GALNT17: variants seen among roughly 807,000 people sequenced by gnomAD.
The protein encoded by GALNT17 is UDP-GalNAc:polypeptide N-acetylgalactosaminyltransferase-like 3.
A neutral mutation model predicts 63.7 loss-of-function variants in GALNT17; 29 were observed. The ratio of observed to expected loss-of-function variants is 0.46; its 90% CI spans 0.34 to 0.62. The LOEUF (loss-of-function observed/expected upper bound fraction) is 0.62, where lower values mean the gene tolerates loss of function less well. Ranked by LOEUF, GALNT17 falls within the 20% of genes least tolerant of loss-of-function variation. The pLI, the probability that GALNT17 is intolerant of heterozygous loss-of-function variation, is 0.01. For synonymous variants in GALNT17, 305 were observed against 318.3 expected (o/e 0.96, Z 0.45); for missense variants, 603 against 799.6 (o/e 0.75, Z 2.97).
intron 1 of GALNT17, among the ~76,000 whole-genome samples, chr7:71,210,509 A>G: frequency 6.6e-6 from 1 of 152,216 alleles, no homozygotes; most frequent in East Asian, 1.9e-4. Context: ...TGGAGTTTGC[A>G]GAGTTGTGGT....
intron 1 of GALNT17, among the ~76,000 whole-genome samples, chr7:71,263,781 C>A (rs572609048): frequency 6.6e-6 from 1 of 151,418 alleles, no homozygotes; most frequent in Non-Finnish European, 1.5e-5. Context: ...AAAAGTTAGC[C>A]GGCGTGGTGG....
chr7:71,263,184 C>G (rs545207456), intron 1 of GALNT17, among the ~76,000 whole-genome samples: 3 of 151,604 alleles, frequency 2.0e-5, no homozygotes, highest in South Asian at 2.1e-4. Flanking sequence ...ATGGTGAAAC[C>G]CTGTCTCTAC....
chr7:71,470,327 T>C (rs1790928795), intron 5 of GALNT17, among the ~76,000 whole-genome samples: 1 of 152,158 alleles, frequency 6.6e-6, no homozygotes. Context: ...ATTTAAGTTT[T>C]GGAGGATGTT....
At chr7:71,415,097 G>C (rs1793501251) in intron 3 of GALNT17, among the ~76,000 whole-genome samples, 1 of 151,992 alleles carries the variant, frequency 6.6e-6, no homozygotes, top group Non-Finnish European at 1.5e-5. Context: ...GCAGCCTCCT[G>C]AGTTCAAGTG....
chr7:71,704,053 G>A (rs1237180423), intron 9 of GALNT17, among the ~76,000 whole-genome samples: 1 of 152,154 alleles, frequency 6.6e-6, no homozygotes, highest in Admixed American at 6.5e-5. Context: ...GAAGGGCCCA[G>A]GCACAGTTGG....
chr7:71,711,427 A>G (rs1269762156), intron 10 of GALNT17, among the ~76,000 whole-genome samples: 3 of 151,946 alleles, frequency 2.0e-5, no homozygotes, highest in Non-Finnish European at 2.9e-5. Flanking sequence ...ATTTTGGTGG[A>G]ATTGATTCTC....
chr7:71,587,473 TG>T (rs1789736515), intron 6 of GALNT17, among the ~76,000 whole-genome samples: 1 of 152,200 alleles, frequency 6.6e-6, no homozygotes, highest in African/African-American at 2.4e-5. Flanking sequence ...TTCATTTTGT[TG>T]TTGATTTCCA....
chr7:71,240,508 A>G (rs148778466), intron 1 of GALNT17, among the ~76,000 whole-genome samples: 13 of 152,224 alleles, frequency 8.5e-5, no homozygotes, highest in African/African-American at 3.1e-4. Context: ...GATCCCACTT[A>G]TAAGTGAGAA....
At chr7:71,438,715 C>A (rs1787011207) in intron 5 of GALNT17, among the ~76,000 whole-genome samples, 1 of 152,198 alleles carries the variant, frequency 6.6e-6, no homozygotes, top group South Asian at 2.1e-4. Flanking sequence ...ATTATTAGAG[C>A]AATTCTCTAT....
intron 1 of GALNT17, among the ~76,000 whole-genome samples, chr7:71,292,941 T>C (rs1046666516): frequency 6.6e-6 from 1 of 152,144 alleles, no homozygotes; most frequent in Non-Finnish European, 1.5e-5. Context: ...TGTGAGATCA[T>C]GCGGTACTTT....
chr7:71,184,930 CCCTTCCTCACTT>C (rs1788807788), intron 1 of GALNT17, among the ~76,000 whole-genome samples: 1 of 125,690 alleles, frequency 8.0e-6, no homozygotes, highest in South Asian at 2.9e-4. Context: ...CTCCCTCCCT[CCCTTCCTCACTT>C]CCTTCCTTCC....
At chr7:71,199,235 C>T (rs755906521) in intron 1 of GALNT17, among the ~76,000 whole-genome samples, 9 of 152,146 alleles carry the variant, frequency 5.9e-5, no homozygotes, top group Admixed American at 2.0e-4. Context: ...TGAAAGATCT[C>T]GCAAATGATC....
chr7:71,643,665 C>G (rs751819292), intron 6 of GALNT17, among the ~76,000 whole-genome samples: 8 of 152,174 alleles, frequency 5.3e-5, no homozygotes, highest in Non-Finnish European at 1.0e-4. Context: ...TGCCTAAAGG[C>G]TCTGTGGGAG....
At chr7:71,462,266 C>T (rs188966223) in intron 5 of GALNT17, among the ~76,000 whole-genome samples, 2 of 152,172 alleles carry the variant, frequency 1.3e-5, no homozygotes, top group Admixed American at 6.5e-5. Flanking sequence ...GCCATTCGTT[C>T]CCTCCACTCA....
intron 5 of GALNT17, among the ~76,000 whole-genome samples, chr7:71,442,496 A>G (rs1476428735): frequency 6.6e-6 from 1 of 152,182 alleles, no homozygotes; most frequent in African/African-American, 2.4e-5. Flanking sequence ...ACCGGCCTGC[A>G]GAAGTTTTAA....
At chr7:71,292,779 A>G (rs973623668) in intron 1 of GALNT17, among the ~76,000 whole-genome samples, 9 of 151,406 alleles carry the variant, frequency 5.9e-5, no homozygotes, top group African/African-American at 1.9e-4. Context: ...TAACTTTGTC[A>G]TCATGCTGTA....
chr7:71,302,172 G>GA (rs767241749), intron 1 of GALNT17, among the ~76,000 whole-genome samples: 16 of 152,046 alleles, frequency 1.1e-4, no homozygotes, highest in Non-Finnish European at 4.4e-5. Flanking sequence ...ACAGGGAGGG[G>GA]AGCAACACAC....
intron 5 of GALNT17, among the ~76,000 whole-genome samples, chr7:71,434,797 C>G (rs915005484): frequency 6.6e-6 from 1 of 152,176 alleles, no homozygotes; most frequent in East Asian, 1.9e-4. Flanking sequence ...TATAAACTCT[C>G]TGGAGTTGTG....
At chr7:71,527,832 A>G (rs1788650972) in intron 5 of GALNT17, among the ~76,000 whole-genome samples, 1 of 152,124 alleles carries the variant, frequency 6.6e-6, no homozygotes, top group African/African-American at 2.4e-5. Context: ...CACAGTACAC[A>G]CACACTGCGC....
Sources: gnomAD v4.1 joint callset for allele counts (sites outside exome capture counted in the v4.1 genomes callset) on GRCh38, gnomAD v4.1.1 for gene constraint, MANE v1.5 for transcripts, NCBI Gene and HGNC (gene_info 2026-07-23, HGNC 2026-07-21) for gene names.